Variants in AMDHD2 observed in about 807,000 individuals in gnomAD.
The protein encoded by AMDHD2 is amidohydrolase domain containing 2.
Under a neutral mutation model 41.8 loss-of-function variants are expected in AMDHD2, and 24 were observed. That is an observed-to-expected ratio of 0.57 (90% confidence interval 0.42 to 0.81). The LOEUF is 0.81. AMDHD2 is among the 30% of genes least tolerant of loss of function. The probability of loss-of-function intolerance (pLI) is 0.00; values close to 1 mark genes in which losing one functional copy is unlikely to be tolerated. For missense variants in AMDHD2, 540 were observed against 588.5 expected (o/e 0.92, Z 0.85); for synonymous variants, 332 against 255.5 (o/e 1.30, Z -2.85).
intron 3 of AMDHD2, among the ~76,000 whole-genome samples, chr16:2,523,745 C>T (rs1212244729): frequency 6.6e-6 from 1 of 152,198 alleles, no homozygotes; most frequent in Non-Finnish European, 1.5e-5. Flanking sequence ...GGATTCAGCA[C>T]ATCACCTCTG....
At position 2,521,833 on chromosome 16, in the gene AMDHD2, G is replaced by C. The variant is rs548747480; in HGVS notation, c.360+710G>C. 4.8e-5 allele frequency among the ~76,000 whole-genome samples: 7 copies of C among 146,688 alleles called. No homozygotes were observed. In the East Asian group the frequency reaches 1.4e-3, roughly 29 times the overall value. ...GAGTCTCGCTCTGTCGCCCAGGCTGGAGTGCAGTGGCACAATCTTGGCTCA... is the reference window on the plus strand; with the variant it reads ...GAGTCTCGCTCTGTCGCCCAGGCTGCAGTGCAGTGGCACAATCTTGGCTCA... On this transcript the variant is annotated intron_variant, in intron 3 of 10. Transcript: ENST00000293971.
At position 2,520,541 on chromosome 16, in the gene AMDHD2, G is replaced by A; in HGVS notation, c.83G>A (p.Arg28Lys). 1.6e-6 allele frequency: 2 copies of A among 1,239,000 alleles called. No homozygotes were observed. Among genetic ancestry groups the A allele is most frequent in the African/African-American group, 1.6e-5 (1 of 63,810 alleles). 76.8% of individuals were successfully genotyped at this position (1,239,000 alleles called of 1,614,324 possible). ...CRILRGGKLL[R>K]EDLWVRGGRI... The stretch of plus-strand genomic sequence containing the variant: ...ATCCTGCGCGGAGGGAAACTGCTCA[G>A]GTGGGCGCGGGCCGGGGACTGCGGG... Residue 28 changes from arginine to lysine, a missense_variant and splice_region_variant, in exon 1 of 11, where the codon AGG (arginine) becomes AAG (lysine). Arg to Lys is a conservative substitution (Grantham distance 26). Transcript: ENST00000293971.
intron 3 of AMDHD2, among the ~76,000 whole-genome samples, chr16:2,521,850 C>A (rs1261059485): frequency 1.5e-5 from 2 of 132,708 alleles, no homozygotes; most frequent in East Asian, 2.4e-4. Context: ...GTGGCACAAT[C>A]TTGGCTCACT....
In AMDHD2 at chr16:2,529,681, T is replaced by C; in HGVS notation, c.*118T>C. 1.3e-6 allele frequency: 2 copies of C among 1,524,332 alleles called. No homozygotes were observed. Among genetic ancestry groups the C allele is most frequent in the East Asian group, 4.8e-5 (2 of 41,654 alleles). 94.4% of individuals were successfully genotyped at this position (1,524,332 alleles called of 1,614,324 possible). A position where few individuals can be genotyped will look rare whatever the true frequency, so the allele number is the denominator to read the frequency against. On this transcript the variant is annotated 3_prime_UTR_variant, in exon 11 of 11. Coordinates refer to ENST00000293971, the MANE Select transcript of AMDHD2 (RefSeq NM_001330449.2). Reference sequence around the variant, plus strand: ...CCCTGCTGGATTGATGCCCAGGGCCTGTGCGGCCGCCCTGGAGGCGGTGGC... The same window carrying C: ...CCCTGCTGGATTGATGCCCAGGGCCCGTGCGGCCGCCCTGGAGGCGGTGGC...
rs1453955319 is a variant in AMDHD2, at chr16:2,527,509, C to T, written c.361-52C>T. 1.9e-6 allele frequency: 3 copies of T among 1,582,324 alleles called. No individual in the cohort carries two copies. Among genetic ancestry groups the T allele is most frequent in the African/African-American group, 2.7e-5 (2 of 74,564 alleles). ...ATCTCTGGCCTTGGCTAGGCTGTGG[C>T]CTCTGGGAATGGGCTGTGGGGGACA... On this transcript the variant is annotated intron_variant, in intron 3 of 10. Transcript: ENST00000293971. This position sits in a 1 kb window ranked among gnomAD's most constrained non-coding sequence, Gnocchi z 6.1.
intron 9 of AMDHD2, 24 bp downstream of exon 9, chr16:2,528,742 GT>G: frequency 6.2e-7 from 1 of 1,608,502 alleles, no homozygotes; most frequent in Non-Finnish European, 8.5e-7. Flanking sequence ...ACGGGTGCGG[GT>G]TTAGGTGGTC....
In AMDHD2 at chr16:2,529,794, G is replaced by C; in HGVS notation, c.*231G>C. ...GGCACCATCCTTGGTTGCCCTCCTGGAGAAGGCATTCACGGCCTGGGGTGG... is the reference window on the plus strand; with the variant it reads ...GGCACCATCCTTGGTTGCCCTCCTGCAGAAGGCATTCACGGCCTGGGGTGG... On this transcript the variant is annotated 3_prime_UTR_variant, in exon 11 of 11. Coordinates refer to ENST00000293971, the MANE Select transcript of AMDHD2 (RefSeq NM_001330449.2). The C allele has an allele frequency of 7.0e-7, 1 of 1,430,592 alleles. No homozygotes were observed. Among genetic ancestry groups the C allele is most frequent in the Non-Finnish European group, 9.1e-7 (1 of 1,096,362 alleles). The allele number at this position is 1,430,592 out of a possible 1,614,324, so 88.6% of individuals were successfully genotyped here. A position where few individuals can be genotyped will look rare whatever the true frequency, so the allele number is the denominator to read the frequency against.
rs945056146 is a variant in AMDHD2, at chr16:2,530,199, G to C, written c.*636G>C. On this transcript the variant is annotated 3_prime_UTR_variant, in exon 11 of 11. Transcript: ENST00000293971. ...TGGACTGCCTAGCCCTGAGTGCCAC[G>C]GATGACCAGCGTTCTGTTTTCTCTT... The C allele has an allele frequency of 1.3e-6, 2 of 1,503,408 alleles. No homozygotes were observed. The highest frequency in any genetic ancestry group is 1.3e-5 in the South Asian group (1 of 78,018). 93.1% of individuals were successfully genotyped at this position (1,503,408 alleles called of 1,614,324 possible).
chr16:2,529,262 C>T, intron 10 of AMDHD2, 167 bp downstream of exon 10: 1 of 1,049,092 alleles, frequency 9.5e-7, no homozygotes, highest in Non-Finnish European at 1.3e-6. Flanking sequence ...TGCCATCAGG[C>T]CGGGCTTTCT....
chr16:2,522,607 G>A (rs2065955824), intron 3 of AMDHD2, among the ~76,000 whole-genome samples: 2 of 151,880 alleles, frequency 1.3e-5, no homozygotes, highest in Non-Finnish European at 2.9e-5. Context: ...AACCCAGGAG[G>A]CAGAGGTTGC....
chr16:2,521,060 G>T lies in AMDHD2; in HGVS notation c.297G>T (p.Leu99=), dbSNP rs1343440043. 2 of 1,611,160 alleles carry T rather than the reference G, an allele frequency of 1.2e-6. No homozygotes were observed. Among genetic ancestry groups the T allele is most frequent in the Non-Finnish European group, 1.7e-6 (2 of 1,178,406 alleles). ...TTGCCCTCGTGGCCCGGAGGATCCT[G>T]TCGCACGGCGTCACCTCCTTCTGCC... ...SGVALVARRI[L]SHGVTSFCPT... The change falls in exon 3 of 11, where the codon CTG becomes CTT. Residue 99 remains leucine (L), a synonymous_variant. Coordinates refer to ENST00000293971, the MANE Select transcript of AMDHD2 (RefSeq NM_001330449.2).
chr16:2,521,903 G>A (rs1213586042), intron 3 of AMDHD2, among the ~76,000 whole-genome samples: 1 of 149,828 alleles, frequency 6.7e-6, no homozygotes, highest in Non-Finnish European at 1.5e-5. Flanking sequence ...TCCTGCTTCA[G>A]CCTCCCAAGT....
chr16:2,525,091 C>CT (rs1458286784), intron 3 of AMDHD2, among the ~76,000 whole-genome samples: 1 of 151,970 alleles, frequency 6.6e-6, no homozygotes, highest in East Asian at 1.9e-4. Context: ...GAGTCTCCCT[C>CT]TGTCACCCAG....
rs1296928293 is a variant in AMDHD2 at position 2,530,704 on chromosome 16, C to T, written c.*1141C>T. 1 of 1,613,954 alleles carries T rather than the reference C, an allele frequency of 6.2e-7. No individual in the cohort carries two copies. The highest frequency in any genetic ancestry group is 1.3e-5 in the African/African-American group (1 of 74,934). On this transcript the variant is annotated 3_prime_UTR_variant, in exon 11 of 11. Coordinates refer to ENST00000293971, the MANE Select transcript of AMDHD2 (RefSeq NM_001330449.2). ...AGAGATAGGATGGTCTGGGCCCCAC[C>T]TGTTGGAAGGGAACAGCCAGGGAAG... is the stretch of plus-strand genomic sequence containing the variant.
intron 3 of AMDHD2, among the ~76,000 whole-genome samples, chr16:2,525,591 C>T (rs977641532): frequency 6.6e-6 from 1 of 152,174 alleles, no homozygotes; most frequent in Non-Finnish European, 1.5e-5. Context: ...GTCACCCAGG[C>T]TGGAGTGCAG....
At position 2,530,657 on chromosome 16, in the gene AMDHD2, A is replaced by C; in HGVS notation, c.*1094A>C. On this transcript the variant is annotated 3_prime_UTR_variant, in exon 11 of 11. Coordinates refer to ENST00000293971, the MANE Select transcript of AMDHD2 (RefSeq NM_001330449.2). ...CTTCCCTCTGCTGCAAAGCCCAGTTAAGGAAATGTCTCCAGGTCCAAAGAG... is the reference window on the plus strand; with the variant it reads ...CTTCCCTCTGCTGCAAAGCCCAGTTCAGGAAATGTCTCCAGGTCCAAAGAG... The C allele has an allele frequency of 6.2e-7, 1 of 1,614,130 alleles. No homozygotes were observed. The highest frequency in any genetic ancestry group is 8.5e-7 in the Non-Finnish European group (1 of 1,180,018).
At position 2,527,222 on chromosome 16, in the gene AMDHD2, GAGCTCTGCCCC is replaced by G; in HGVS notation, c.361-336_361-326del. On this transcript the variant is annotated intron_variant, in intron 3 of 10. Transcript: ENST00000293971. The surrounding 1 kb of genome is among the most constrained non-coding windows in gnomAD (Gnocchi z 6.1). ...GCTGAGCCCTGGCCATGCCCACACT[GAGCTCTGCCCC>G]AGGGTCCCTGCTGCTCCCAGGAGCC... 2.3e-6 allele frequency: 1 copy of G among 430,918 alleles called. No individual in the cohort carries two copies. The highest frequency in any genetic ancestry group is 4.8e-5 in the East Asian group (1 of 21,040). The allele number at this position is 430,918 out of a possible 1,614,324, so 26.7% of individuals were successfully genotyped here.
chr16:2,530,073 G>A lies in AMDHD2; in HGVS notation c.*510G>A, dbSNP rs543758844. On this transcript the variant is annotated 3_prime_UTR_variant, in exon 11 of 11. Transcript: ENST00000293971. Reference sequence around the variant, plus strand: ...CTGCTCCTGAGTTGGGGTGTGCAGCGTGGAGCCCACAGCCTGGTTCTGGGC... The same window carrying A: ...CTGCTCCTGAGTTGGGGTGTGCAGCATGGAGCCCACAGCCTGGTTCTGGGC... 1.1e-5 allele frequency: 10 copies of A among 925,896 alleles called. No homozygotes were observed. Among genetic ancestry groups the A allele is most frequent in the Middle Eastern group, 3.4e-4 (1 of 2,932 alleles). The allele number at this position is 925,896 out of a possible 1,614,324, so 57.4% of individuals were successfully genotyped here.
rs758559470 is a variant in AMDHD2 at position 2,529,010 on chromosome 16, G to A, written c.1056G>A (p.Ser352=). The part of the protein sequence containing the change: ...FLQATGCSME[S]ALEAASLHPA... Reference sequence around the variant, plus strand: ...CCCAAGCAGGCTGCAGCATGGAGTCGGCCCTGGAGGCTGCATCCCTGCACC... The same window carrying A: ...CCCAAGCAGGCTGCAGCATGGAGTCAGCCCTGGAGGCTGCATCCCTGCACC... Residue 352 remains serine (S), a synonymous_variant, in exon 10 of 11, where the codon TCG becomes TCA. Transcript: ENST00000293971. 1.3e-5 allele frequency: 20 copies of A among 1,586,558 alleles called. No individual in the cohort carries two copies. In the South Asian group the frequency reaches 1.9e-4, roughly 15 times the overall value.
Sources: gnomAD v4.1 joint callset for allele counts (sites outside exome capture counted in the v4.1 genomes callset) on GRCh38, gnomAD v4.1.1 for gene constraint, Gnocchi (gnomAD v3.1) non-coding constraint, MANE v1.5 for transcripts, NCBI Gene and HGNC (gene_info 2026-07-23, HGNC 2026-07-21) for gene names.